Variants in PALM2AKAP2 observed in about 807,000 individuals in gnomAD.
PALM2AKAP2 encodes PALM2-AKAP2 fusion protein.
In PALM2AKAP2, 37 loss-of-function variants were observed where a neutral mutation model predicts 71.5. That is an observed-to-expected ratio of 0.52 (90% CI 0.40 to 0.68). PALM2AKAP2 has a LOEUF of 0.68. PALM2AKAP2 is among the 30% of genes least tolerant of loss of function. The probability of loss-of-function intolerance (pLI) is 0.00; values close to 1 mark genes in which losing one functional copy is unlikely to be tolerated. For missense variants in PALM2AKAP2, 1,224 were observed against 1,191.8 expected, an observed-to-expected ratio of 1.03 and a Z score of -0.40; for synonymous variants, 468 against 478.8, an observed-to-expected ratio of 0.98 and a Z score of 0.29.
At chr9:110,164,834 A>G (rs1344185951) in intron 3 of PALM2AKAP2, among the ~76,000 whole-genome samples, 1 of 152,152 alleles carries the variant, frequency 6.6e-6, no homozygotes, top group South Asian at 2.1e-4. Context: ...CCCAGCCACA[A>G]TAAAACTTTA....
chr9:109,793,886 C>T (rs902053167), intron 1 of PALM2AKAP2, among the ~76,000 whole-genome samples: 1 of 152,206 alleles, frequency 6.6e-6, no homozygotes, highest in Non-Finnish European at 1.5e-5. Flanking sequence ...TATGTGTTGT[C>T]TATGGCTAAG....
At chr9:109,953,834 C>CAAAAAAAAAAAA (rs34719180) in intron 6 of PALM2AKAP2, among the ~76,000 whole-genome samples, 1 of 48,614 alleles carries the variant, frequency 2.1e-5, no homozygotes, top group Non-Finnish European at 4.3e-5. Context: ...GACTCCATCT[C>CAAAAAAAAAAAA]AAAAAAAAAA....
chr9:110,039,972 G>A (rs187558187), intron 7 of PALM2AKAP2, among the ~76,000 whole-genome samples: 20 of 152,142 alleles, frequency 1.3e-4, no homozygotes, highest in Admixed American at 1.2e-3. Context: ...GGGAGGGAGG[G>A]AAGGAAGGAA....
intron 1 of PALM2AKAP2, among the ~76,000 whole-genome samples, chr9:109,724,934 A>G (rs1330576512): frequency 6.6e-6 from 1 of 152,238 alleles, no homozygotes. Context: ...AAAAGCGAAA[A>G]GCTAGGAAAA....
chr9:110,032,190 G>A (rs1054119322), intron 7 of PALM2AKAP2, among the ~76,000 whole-genome samples: 2 of 151,810 alleles, frequency 1.3e-5, no homozygotes, highest in African/African-American at 4.8e-5. Flanking sequence ...TCTTCTTTTA[G>A]TTTTTTCTAA....
At chr9:110,021,129 A>G (rs533679838) in intron 7 of PALM2AKAP2, among the ~76,000 whole-genome samples, 1 of 152,282 alleles carries the variant, frequency 6.6e-6, no homozygotes, top group Admixed American at 6.5e-5. Flanking sequence ...AATAATCTTG[A>G]GATGAGAGCA....
intron 1 of PALM2AKAP2, among the ~76,000 whole-genome samples, chr9:109,711,355 TG>T: frequency 6.6e-6 from 1 of 152,334 alleles, no homozygotes; most frequent in East Asian, 1.9e-4. Flanking sequence ...AAGATTTTGA[TG>T]GTTCATAAAA....
intron 1 of PALM2AKAP2, among the ~76,000 whole-genome samples, chr9:109,747,609 C>T: frequency 6.6e-6 from 1 of 152,012 alleles, no homozygotes; most frequent in East Asian, 1.9e-4. Context: ...AGTTAGAGGC[C>T]AAGAAATATT....
At chr9:110,084,131 T>G (rs1022991396) in intron 1 of PALM2AKAP2, among the ~76,000 whole-genome samples, 13 of 152,166 alleles carry the variant, frequency 8.5e-5, no homozygotes, top group African/African-American at 2.9e-4. Context: ...AGAGATATGA[T>G]GGAAAAGTTT....
chr9:109,647,249 T>G (rs896715459), intron 1 of PALM2AKAP2, among the ~76,000 whole-genome samples: 6 of 152,230 alleles, frequency 3.9e-5, no homozygotes, highest in Non-Finnish European at 4.4e-5. Flanking sequence ...TCAGCCTGTG[T>G]AGCTCAGTGG....
chr9:109,964,058 CAGTATGA>C (rs1205990379), intron 6 of PALM2AKAP2, among the ~76,000 whole-genome samples: 2 of 152,216 alleles, frequency 1.3e-5, no homozygotes, highest in Non-Finnish European at 2.9e-5. Context: ...CCTTCTCAGT[CAGTATGA>C]AGTATATTTG....
At chr9:109,696,821 G>A (rs1188223225) in intron 1 of PALM2AKAP2, among the ~76,000 whole-genome samples, 1 of 152,158 alleles carries the variant, frequency 6.6e-6, no homozygotes, top group Non-Finnish European at 1.5e-5. Context: ...TCACCTGGAA[G>A]TAGCTGGGAG....
At position 109,649,060 on chromosome 9, in the gene PALM2AKAP2, T is replaced by A. The variant is rs1827189999; in HGVS notation, c.5+8194T>A. On this transcript the variant is annotated intron_variant, in intron 1 of 6. Transcript: ENST00000374531. The stretch of plus-strand genomic sequence containing the variant: ...TCCCATCCCTCCCACTCCTGCAATT[T>A]TTTTTTTTGGCTTTGATGCTGATCA... Among the ~76,000 whole-genome samples, 3 of 152,258 alleles carry A rather than the reference T, an allele frequency of 2.0e-5. No homozygotes were observed. The South Asian group carries it at 6.2e-4, about 32-fold the overall frequency.
chr9:109,846,043 G>A (rs1032786814), intron 1 of PALM2AKAP2, among the ~76,000 whole-genome samples: 7 of 152,174 alleles, frequency 4.6e-5, no homozygotes, highest in African/African-American at 1.7e-4. Flanking sequence ...GATACAGAGG[G>A]CCATGTGGGG....
intron 3 of PALM2AKAP2, among the ~76,000 whole-genome samples, chr9:110,159,149 G>T (rs1221042266): frequency 2.0e-5 from 3 of 152,122 alleles, no homozygotes; most frequent in Non-Finnish European, 4.4e-5. Flanking sequence ...ATTGCTGGGG[G>T]GATGAGTTGT....
intron 1 of PALM2AKAP2, among the ~76,000 whole-genome samples, chr9:109,719,030 A>T (rs1483488232): frequency 6.6e-6 from 1 of 152,212 alleles, no homozygotes; most frequent in Non-Finnish European, 1.5e-5. Context: ...AGTAAAATAA[A>T]AACAGTCACT....
intron 1 of PALM2AKAP2, among the ~76,000 whole-genome samples, chr9:109,695,642 T>C (rs1441588062): frequency 2.0e-5 from 3 of 152,146 alleles, no homozygotes; most frequent in Admixed American, 1.3e-4. Context: ...CGTCAATGAA[T>C]GAATGAGTAA....
In PALM2AKAP2 at chr9:109,968,648, C is replaced by T. The variant is rs540802191; in HGVS notation, c.496+36620C>T. 4.6e-5 allele frequency among the ~76,000 whole-genome samples: 7 copies of T among 152,276 alleles called. No individual in the cohort carries two copies. The South Asian group carries it at 1.5e-3, about 32-fold the overall frequency. ...TAGCCTTCAGCATCTACCACTTGTA[C>T]CCAGCTCCCAGTCCCCCAAATTTCT... is the stretch of plus-strand genomic sequence containing the variant. On this transcript the variant is annotated intron_variant, in intron 6 of 9. Coordinates refer to the PALM2AKAP2 transcript ENST00000302798.
chr9:109,902,646 T>C (rs1444135654), intron 3 of PALM2AKAP2, among the ~76,000 whole-genome samples: 1 of 152,250 alleles, frequency 6.6e-6, no homozygotes, highest in Non-Finnish European at 1.5e-5. Flanking sequence ...CATTGATGAA[T>C]GTATTCAGTG....
Sources: allele counts gnomAD v4.1 joint callset (sites outside exome capture counted in the v4.1 genomes callset), GRCh38; gene constraint gnomAD v4.1.1; transcripts MANE v1.5; gene names NCBI Gene and HGNC (gene_info 2026-07-23, HGNC 2026-07-21).